The following ATP11A variants were observed in gnomAD, a reference collection of about 807,000 sequenced individuals.
ATP11A encodes phospholipid-transporting ATPase IH.
In ATP11A, 81 loss-of-function variants were observed where a neutral mutation model predicts 154.4. The ratio of observed to expected loss-of-function variants is 0.52; its 90% CI spans 0.44 to 0.63. The LOEUF is 0.63. Among genes scored for constraint, ATP11A ranks in the 30% least tolerant of loss-of-function variants. ATP11A has a pLI of 0.00. For missense variants in ATP11A, 1,316 were observed against 1,474.3 expected (o/e 0.89, Z 1.76); for synonymous variants, 623 against 585.9 (o/e 1.06, Z -0.91).
At chr13:112,815,174 C>A (rs966343338) in intron 5 of ATP11A, among the ~76,000 whole-genome samples, 4 of 152,074 alleles carry the variant, frequency 2.6e-5, no homozygotes, top group African/African-American at 9.7e-5. Flanking sequence ...GCTTCCTCAC[C>A]CTTCAGACAC....
rs409896 is a variant in ATP11A, at chr13:112,746,024, G to T, written c.40-39111G>T. 0.24 allele frequency: 36,588 copies of T among 152,108 alleles called. 5,921 individuals are homozygous for T. Among genetic ancestry groups the T allele is most frequent in the African/African-American group, 0.46 (18,955 of 41,430 alleles). The allele number at this position is 152,108 out of a possible 1,614,324, so 9.4% of individuals were successfully genotyped here. A position where few individuals can be genotyped will look rare whatever the true frequency, so the allele number is the denominator to read the frequency against. ...CATTTCAGTGGACTCATCCTGTGTC[G>T]TTTTGTGGCGGAATCACGTTCTGTT... On this transcript the variant is annotated intron_variant, in intron 1 of 29. Transcript: ENST00000375645. This position sits in a 1 kb window ranked among gnomAD's most constrained non-coding sequence, Gnocchi z 4.1.
In ATP11A at chr13:112,881,112, G is replaced by A. The variant is rs1249659352; in HGVS notation, c.*10-764G>A. On this transcript the variant is annotated intron_variant, in intron 29 of 29. Transcript: ENST00000375645. ...TGTCGCCTCTCCAACAGACATGGAG[G>A]CCATGAAGACATCTGCTCCTGCCAG... The A allele has an allele frequency of 4.1e-5, 41 of 988,068 alleles. No individual in the cohort carries two copies. The Middle Eastern group carries it at 1.6e-3, about 38-fold the overall frequency. The allele number at this position is 988,068 out of a possible 1,614,324, so 61.2% of individuals were successfully genotyped here.
intron 12 of ATP11A, among the ~76,000 whole-genome samples, chr13:112,829,889 C>T (rs761567908): frequency 6.6e-6 from 1 of 152,152 alleles, no homozygotes; most frequent in East Asian, 1.9e-4. Context: ...ATTCTATATA[C>T]CAGACAAGAA....
chr13:112,782,486 G>A (rs1010761004), intron 1 of ATP11A, among the ~76,000 whole-genome samples: 4 of 151,954 alleles, frequency 2.6e-5, no homozygotes, highest in African/African-American at 7.3e-5. Context: ...CTGATTTCAC[G>A]AGAATGAGAA....
intron 1 of ATP11A, among the ~76,000 whole-genome samples, chr13:112,702,676 T>C (rs576744726): frequency 6.6e-6 from 1 of 152,360 alleles, no homozygotes; most frequent in Non-Finnish European, 1.5e-5. Context: ...ATCTATCCCC[T>C]CTCAGGACCA....
chr13:112,877,388 T>G (rs993234413), intron 28 of ATP11A, among the ~76,000 whole-genome samples: 16 of 152,382 alleles, frequency 1.0e-4, no homozygotes, highest in Admixed American at 6.5e-4. Flanking sequence ...GCTCTTTAGC[T>G]GTGCAGTTCC....
chr13:112,882,059 G>A lies in ATP11A; in HGVS notation c.*193G>A, dbSNP rs773528072. ...CCCTAGGTCCCGTGTGGGAATGCTC[G>A]TGTGATGGATGGTCCTAAGCCTGTG... On this transcript the variant is annotated 3_prime_UTR_variant, in exon 30 of 30. Transcript: ENST00000375645. This position sits in a 1 kb window ranked among gnomAD's most constrained non-coding sequence, Gnocchi z 5.1. 1.2e-5 allele frequency: 17 copies of A among 1,367,498 alleles called. No individual in the cohort carries two copies. In the East Asian group the frequency reaches 1.8e-4, roughly 15 times the overall value. 84.7% of individuals were successfully genotyped at this position (1,367,498 alleles called of 1,614,324 possible). A position where few individuals can be genotyped will look rare whatever the true frequency, so the allele number is the denominator to read the frequency against.
chr13:112,784,475 T>C (rs1204950959), intron 1 of ATP11A, among the ~76,000 whole-genome samples: 1 of 151,764 alleles, frequency 6.6e-6, no homozygotes, highest in Admixed American at 6.6e-5. Flanking sequence ...TTTCCCAACA[T>C]CACTGTCTCT....
At chr13:112,783,647 G>A (rs991917478) in intron 1 of ATP11A, among the ~76,000 whole-genome samples, 2 of 152,244 alleles carry the variant, frequency 1.3e-5, no homozygotes, top group African/African-American at 4.8e-5. Flanking sequence ...CAGAAAGGCT[G>A]ATGTCTTGCA....
At chr13:112,828,132 C>CGCCCAGAAGT (rs2078984450) in intron 12 of ATP11A, among the ~76,000 whole-genome samples, 6 of 22,526 alleles carry the variant, frequency 2.7e-4, no homozygotes, top group East Asian at 1.4e-3. Flanking sequence ...CGCCCAGCAG[C>CGCCCAGAAGT]GTTGAGTAGG....
chr13:112,885,155 CAG>C lies in ATP11A; in HGVS notation c.*3291_*3292del, dbSNP rs2080953864. The C allele has an allele frequency of 6.6e-6, 1 of 152,218 alleles. No homozygotes were observed. Among genetic ancestry groups the C allele is most frequent in the African/African-American group, 2.4e-5 (1 of 41,448 alleles). 9.4% of individuals were successfully genotyped at this position (152,218 alleles called of 1,614,324 possible). On this transcript the variant is annotated 3_prime_UTR_variant, in exon 30 of 30. Transcript: ENST00000375645. Reference sequence around the variant, plus strand: ...AGAACATGCACGTGTACACATACCACAGACACGCGTGTGCATGCTCCTACACA... The same window carrying C: ...AGAACATGCACGTGTACACATACCACACACGCGTGTGCATGCTCCTACACA...
chr13:112,853,246 CTATA>C (rs752728056), intron 18 of ATP11A, among the ~76,000 whole-genome samples: 199 of 145,424 alleles, frequency 1.4e-3, no homozygotes, highest in African/African-American at 5.0e-3. Context: ...TTCTCTCTCT[CTATA>C]TATATATATA....
intron 5 of ATP11A, among the ~76,000 whole-genome samples, chr13:112,812,483 G>A (rs1453315595): frequency 3.9e-5 from 6 of 152,168 alleles, no homozygotes; most frequent in Admixed American, 6.5e-5. Flanking sequence ...AGCCAGGTGC[G>A]TTCCAGAAGC....
chr13:112,739,069 T>C (rs1319441749), intron 1 of ATP11A, among the ~76,000 whole-genome samples: 1 of 152,192 alleles, frequency 6.6e-6, no homozygotes, highest in Non-Finnish European at 1.5e-5. Context: ...AGGCGATCTT[T>C]TCTTAGATAT....
intron 26 of ATP11A, among the ~76,000 whole-genome samples, chr13:112,873,068 G>A (rs1222298834): frequency 2.9e-5 from 3 of 101,958 alleles, no homozygotes; most frequent in East Asian, 3.1e-4. Context: ...GTCTTCCTGA[G>A]TGGTGTGAGG....
At chr13:112,799,503 G>A (rs575268044) in intron 2 of ATP11A, among the ~76,000 whole-genome samples, 7 of 152,040 alleles carry the variant, frequency 4.6e-5, no homozygotes, top group Admixed American at 6.6e-5. Context: ...AGGGGCGGGG[G>A]TCACAAGGTG....
intron 1 of ATP11A, among the ~76,000 whole-genome samples, chr13:112,736,048 C>T (rs1890973856): frequency 6.6e-6 from 1 of 152,160 alleles, no homozygotes; most frequent in Admixed American, 6.5e-5. Flanking sequence ...TTTGTGTTCG[C>T]GTGCCCAGAG....
chr13:112,752,452 G>T (rs2076716540), intron 1 of ATP11A, among the ~76,000 whole-genome samples: 1 of 152,194 alleles, frequency 6.6e-6, no homozygotes, highest in African/African-American at 2.4e-5. Flanking sequence ...GCGCCCCTGT[G>T]TGGAGCGGGT....
intron 29 of ATP11A, among the ~76,000 whole-genome samples, chr13:112,878,817 G>T (rs932171268): frequency 5.3e-5 from 8 of 152,226 alleles, no homozygotes; most frequent in Non-Finnish European, 1.5e-5. Flanking sequence ...CAGGACCCAT[G>T]CACATTTCAG....
Sources: gnomAD v4.1 joint callset for allele counts (sites outside exome capture counted in the v4.1 genomes callset) on GRCh38, gnomAD v4.1.1 for gene constraint, Gnocchi (gnomAD v3.1) non-coding constraint, MANE v1.5 for transcripts, NCBI Gene and HGNC (gene_info 2026-07-23, HGNC 2026-07-21) for gene names.